The following FLVCR2 variants were observed in gnomAD, a reference collection of about 807,000 sequenced individuals.
The protein encoded by FLVCR2 is FLVCR choline and putative heme transporter 2, also known as choline/ethanolamine transporter FLVCR2.
In FLVCR2, 38 loss-of-function variants were observed where a neutral mutation model predicts 48.9. The observed-to-expected ratio is 0.78, with a 90% CI of 0.60 to 1.02. The LOEUF is 1.02. Ranked by LOEUF, FLVCR2 falls within the 50% of genes least tolerant of loss-of-function variation. The pLI is 0.00. For synonymous variants in FLVCR2, 255 were observed against 257.0 expected, an observed-to-expected ratio of 0.99 and a Z score of 0.07; for missense variants, 664 against 663.3, an observed-to-expected ratio of 1.00 and a Z score of -0.01.
chr14:75,613,837 C>T (rs994868493), intron 1 of FLVCR2, among the ~76,000 whole-genome samples: 2 of 152,190 alleles, frequency 1.3e-5, no homozygotes, highest in Non-Finnish European at 2.9e-5. Flanking sequence ...AGGCATGAGC[C>T]ACCACACCCA....
chr14:75,632,897 A>G, intron 3 of FLVCR2: 1 of 702,330 alleles, frequency 1.4e-6, no homozygotes, highest in East Asian at 2.7e-5. Flanking sequence ...TGCAGCCGCC[A>G]TTGTCATCAT....
chr14:75,620,826 G>C (rs992007825), intron 1 of FLVCR2, among the ~76,000 whole-genome samples: 6 of 152,220 alleles, frequency 3.9e-5, no homozygotes, highest in African/African-American at 1.4e-4. Flanking sequence ...ACGAATCAAG[G>C]GGGTCAGCAG....
At chr14:75,584,961 G>C (rs10147307) in intron 1 of FLVCR2, among the ~76,000 whole-genome samples, 26,609 of 152,144 alleles carry the variant, frequency 0.17, 2,556 homozygotes, top group African/African-American at 0.23. Context: ...TTGGGCAGGT[G>C]GGGGAGGGCT....
At chr14:75,639,228 T>C in intron 5 of FLVCR2, 124 bp from the exon 6 acceptor site, 1 of 742,100 alleles carries the variant, frequency 1.3e-6, no homozygotes, top group South Asian at 1.5e-5. Context: ...AAAACAAAAC[T>C]CCAAGAACAT....
chr14:75,638,849 A>T (rs1566797262), intron 5 of FLVCR2, among the ~76,000 whole-genome samples: 1 of 152,114 alleles, frequency 6.6e-6, no homozygotes, highest in African/African-American at 2.4e-5. Context: ...TAATTAAATA[A>T]TTTTTTTGTG....
chr14:75,605,883 T>C (rs1439530243), intron 1 of FLVCR2: 4 of 496,142 alleles, frequency 8.1e-6, no homozygotes, highest in African/African-American at 1.9e-5. Flanking sequence ...AAACTCCTGA[T>C]TTCTGCATAC....
intron 9 of FLVCR2, among the ~76,000 whole-genome samples, chr14:75,644,634 A>G (rs1890377432): frequency 6.6e-6 from 1 of 152,132 alleles, no homozygotes; most frequent in South Asian, 2.1e-4. Flanking sequence ...GCAGCATGGT[A>G]TTATGGGGGG....
intron 3 of FLVCR2, among the ~76,000 whole-genome samples, chr14:75,631,431 G>GA (rs1466123192): frequency 6.6e-6 from 1 of 152,192 alleles, no homozygotes; most frequent in East Asian, 1.9e-4. Context: ...TTGAGCCCCA[G>GA]AAAAACCACT....
intron 1 of FLVCR2, among the ~76,000 whole-genome samples, chr14:75,580,307 C>T (rs1382292403): frequency 6.6e-6 from 1 of 152,194 alleles, no homozygotes; most frequent in East Asian, 1.9e-4. Context: ...AAATTCTTTG[C>T]ATCTCAATGT....
chr14:75,623,695 C>G (rs1222208580), intron 2 of FLVCR2, among the ~76,000 whole-genome samples: 1 of 151,972 alleles, frequency 6.6e-6, no homozygotes, highest in African/African-American at 2.4e-5. Context: ...TATGAGTTTC[C>G]TTGATCTTTG....
intron 3 of FLVCR2, among the ~76,000 whole-genome samples, chr14:75,631,510 A>G (rs1056494498): frequency 6.6e-5 from 10 of 152,160 alleles, no homozygotes; most frequent in Admixed American, 2.0e-4. Context: ...ACCAGTGAGC[A>G]CTGGTGTATT....
At chr14:75,603,640 T>C (rs780005364) in intron 1 of FLVCR2, among the ~76,000 whole-genome samples, 11 of 152,356 alleles carry the variant, frequency 7.2e-5, no homozygotes, top group South Asian at 6.2e-4. Context: ...AGAGGGTCTA[T>C]TGAGCTGTTA....
intron 1 of FLVCR2, among the ~76,000 whole-genome samples, chr14:75,580,050 G>C (rs1888557666): frequency 6.6e-6 from 1 of 152,210 alleles, no homozygotes; most frequent in Admixed American, 6.5e-5. Flanking sequence ...CTAGAGTGCA[G>C]TATCTCCTCT....
chr14:75,626,762 C>A (rs1305657480), intron 3 of FLVCR2, among the ~76,000 whole-genome samples: 1 of 151,902 alleles, frequency 6.6e-6, no homozygotes, highest in Non-Finnish European at 1.5e-5. Flanking sequence ...GGGGGCCCTT[C>A]TAGACTCAGG....
chr14:75,578,865 G>T lies in FLVCR2; in HGVS notation c.-108G>T. On this transcript the variant is annotated 5_prime_UTR_variant, in exon 1 of 10. Coordinates refer to ENST00000238667, the MANE Select transcript of FLVCR2 (RefSeq NM_017791.3). ...GCAGCCTCTAGTCTCTGTTTCTTCT[G>T]GAATAGGCAAGTGTCCTTTCAACTC... 1 of 1,029,824 alleles carries T rather than the reference G, an allele frequency of 9.7e-7. No homozygotes were observed. Among genetic ancestry groups the T allele is most frequent in the Admixed American group, 1.9e-5 (1 of 52,350 alleles). The allele number at this position is 1,029,824 out of a possible 1,614,324, so 63.8% of individuals were successfully genotyped here.
intron 1 of FLVCR2, among the ~76,000 whole-genome samples, chr14:75,581,610 C>T (rs1374026826): frequency 2.0e-5 from 3 of 151,926 alleles, no homozygotes; most frequent in South Asian, 2.1e-4. Flanking sequence ...AAGAAATGAC[C>T]GCAGTGGCCT....
chr14:75,580,630 C>A (rs1888571962), intron 1 of FLVCR2, among the ~76,000 whole-genome samples: 1 of 152,108 alleles, frequency 6.6e-6, no homozygotes, highest in African/African-American at 2.4e-5. Context: ...ATCATCAGTT[C>A]TTATAGGTTT....
In FLVCR2 at chr14:75,647,634, T is replaced by C. The variant is rs1300885723; in HGVS notation, c.*1162T>C. 6.5e-6 allele frequency: 1 copy of C among 152,680 alleles called. No homozygotes were observed. The highest frequency in any genetic ancestry group is 1.5e-5 in the Non-Finnish European group (1 of 68,048). The allele number at this position is 152,680 out of a possible 1,614,324, so 9.5% of individuals were successfully genotyped here. ...TATTCTAAACTTAAAGGGATTCCCT[T>C]TAAACCAACTCAAGCTGATCTTTCC... On this transcript the variant is annotated 3_prime_UTR_variant, in exon 10 of 10. Coordinates refer to ENST00000238667, the MANE Select transcript of FLVCR2 (RefSeq NM_017791.3).
At position 75,579,319 on chromosome 14, in the gene FLVCR2, A is replaced by G. The variant is rs1234880261; in HGVS notation, c.347A>G (p.Tyr116Cys). The G allele has an allele frequency of 1.2e-6, 2 of 1,614,170 alleles. No individual in the cohort carries two copies. The highest frequency in any genetic ancestry group is 2.2e-5 in the South Asian group (2 of 91,084). Residue 116 changes from tyrosine (Y) to cysteine (C), a missense_variant, in exon 1 of 10, where the codon TAC (tyrosine) becomes TGC (cysteine). Physicochemically the swap from Tyr to Cys is radical, Grantham distance 194. Coordinates refer to ENST00000238667, the MANE Select transcript of FLVCR2 (RefSeq NM_017791.3). ...ATCAATAACATCTTCATGCACTTCT[A>G]CGGTGTCAGTGCCTTTGCCATTGAC... is the stretch of plus-strand genomic sequence containing the variant. ...GSINNIFMHF[Y>C]GVSAFAIDWL...
Sources: gnomAD v4.1 joint callset for allele counts (sites outside exome capture counted in the v4.1 genomes callset) on GRCh38, gnomAD v4.1.1 for gene constraint, MANE v1.5 for transcripts, NCBI Gene and HGNC (gene_info 2026-07-23, HGNC 2026-07-21) for gene names.